GPR39: variants seen among roughly 807,000 people sequenced by gnomAD.
GPR39 encodes the protein zinc sensing receptor.
A neutral mutation model predicts 18.4 loss-of-function variants in GPR39; 23 were observed. That is an observed-to-expected ratio of 1.25 (90% CI 0.90 to 1.77). GPR39 has a LOEUF of 1.77. GPR39 is among the 40% of genes most tolerant of loss of function. The pLI is 0.00. For synonymous variants in GPR39, 280 were observed against 257.9 expected (o/e 1.09, Z -0.82); for missense variants, 647 against 602.4 (o/e 1.07, Z -0.78).
chr2:132,637,016 A>T (rs758502730), intron 1 of GPR39, among the ~76,000 whole-genome samples: 2 of 152,158 alleles, frequency 1.3e-5, no homozygotes, highest in South Asian at 2.1e-4. Context: ...ACATTTTAGG[A>T]CTTACTATCA....
intron 1 of GPR39, among the ~76,000 whole-genome samples, chr2:132,437,246 G>A (rs929553477): frequency 6.6e-6 from 1 of 152,228 alleles, no homozygotes; most frequent in Non-Finnish European, 1.5e-5. Flanking sequence ...ACCTTTGAAT[G>A]TGAAGTGCAT....
intron 1 of GPR39, among the ~76,000 whole-genome samples, chr2:132,615,709 T>C (rs180799677): frequency 5.7e-4 from 87 of 152,352 alleles, no homozygotes; most frequent in African/African-American, 1.9e-3. Context: ...CTTCTCCCTT[T>C]AGCCGTATTT....
chr2:132,644,375 G>C (rs549817107), intron 1 of GPR39, among the ~76,000 whole-genome samples: 55 of 152,320 alleles, frequency 3.6e-4, no homozygotes, highest in African/African-American at 1.3e-3. Context: ...GTTACTGGCT[G>C]AACTAGAAGG....
chr2:132,587,911 G>A lies in GPR39; in HGVS notation c.857-57190G>A, dbSNP rs915803270. Among the ~76,000 whole-genome samples the A allele has an allele frequency of 2.6e-5, 4 of 152,294 alleles. No homozygotes were observed. The East Asian group carries it at 5.8e-4, about 22-fold the overall frequency. ...ACTTTCTGGTGATGGAACAGAGAGGGCAGTCTATTATGAACATGAGGAGTT... is the reference window on the plus strand; with the variant it reads ...ACTTTCTGGTGATGGAACAGAGAGGACAGTCTATTATGAACATGAGGAGTT... On this transcript the variant is annotated intron_variant, in intron 1 of 1. Transcript: ENST00000329321.
intron 1 of GPR39, among the ~76,000 whole-genome samples, chr2:132,630,372 G>T (rs1681626674): frequency 6.6e-6 from 1 of 152,158 alleles, no homozygotes; most frequent in Non-Finnish European, 1.5e-5. Context: ...GACTAACTGG[G>T]TCAGAGCCCT....
chr2:132,522,271 C>G (rs1265283561), intron 1 of GPR39, among the ~76,000 whole-genome samples: 2 of 152,192 alleles, frequency 1.3e-5, no homozygotes, highest in African/African-American at 4.8e-5. Flanking sequence ...AATTTTTCCT[C>G]TAAAATGATC....
At chr2:132,422,635 A>T (rs538724213) in intron 1 of GPR39, among the ~76,000 whole-genome samples, 1 of 152,068 alleles carries the variant, frequency 6.6e-6, no homozygotes, top group African/African-American at 2.4e-5. Flanking sequence ...TTTTTAGTGT[A>T]AGATATTATT....
chr2:132,561,577 T>TACACACACACACAC (rs55653432), intron 1 of GPR39, among the ~76,000 whole-genome samples: 10 of 147,988 alleles, frequency 6.8e-5, no homozygotes, highest in African/African-American at 2.5e-4. Context: ...AATATGAGTG[T>TACACACACACACAC]ACACACACAC....
intron 1 of GPR39, among the ~76,000 whole-genome samples, chr2:132,458,742 G>T (rs1356587779): frequency 6.6e-6 from 1 of 152,122 alleles, no homozygotes; most frequent in Middle Eastern, 3.4e-3. Context: ...GGGAAGAGAA[G>T]AGAACCACAT....
intron 1 of GPR39, among the ~76,000 whole-genome samples, chr2:132,448,615 T>C (rs907167353): frequency 1.3e-5 from 2 of 152,254 alleles, no homozygotes; most frequent in African/African-American, 4.8e-5. Flanking sequence ...TTCCCTTGTT[T>C]CTGTGTCACA....
At chr2:132,423,548 C>T (rs1558794493) in intron 1 of GPR39, among the ~76,000 whole-genome samples, 2 of 152,144 alleles carry the variant, frequency 1.3e-5, no homozygotes. Flanking sequence ...TCTCTTCCCC[C>T]ATGCTGCCTG....
intron 1 of GPR39, among the ~76,000 whole-genome samples, chr2:132,588,546 C>G (rs577080027): frequency 4.6e-5 from 7 of 152,176 alleles, no homozygotes; most frequent in Non-Finnish European, 7.3e-5. Context: ...CTGCTTCACT[C>G]TGTGTGTGGG....
intron 1 of GPR39, 142 bp from the exon 2 acceptor site, chr2:132,644,959 C>T: frequency 1.1e-6 from 1 of 924,224 alleles, no homozygotes. Context: ...CTGTCAAGTC[C>T]AACACTGAAA....
chr2:132,507,648 A>G (rs1679159096), intron 1 of GPR39, among the ~76,000 whole-genome samples: 1 of 152,190 alleles, frequency 6.6e-6, no homozygotes, highest in South Asian at 2.1e-4. Flanking sequence ...AACTGACCTC[A>G]TCCCAGATAT....
intron 1 of GPR39, among the ~76,000 whole-genome samples, chr2:132,576,772 G>A (rs1227893505): frequency 6.6e-6 from 1 of 152,102 alleles, no homozygotes; most frequent in African/African-American, 2.4e-5. Context: ...TCCATTTTGA[G>A]TTAATTTCAC....
chr2:132,585,143 GTC>G (rs1449168022), intron 1 of GPR39, among the ~76,000 whole-genome samples: 1 of 152,146 alleles, frequency 6.6e-6, no homozygotes, highest in African/African-American at 2.4e-5. Flanking sequence ...TCACAGAGGT[GTC>G]TCATGGATTA....
intron 1 of GPR39, among the ~76,000 whole-genome samples, chr2:132,584,143 C>A (rs1680679507): frequency 1.3e-5 from 2 of 151,954 alleles, no homozygotes; most frequent in Non-Finnish European, 2.9e-5. Flanking sequence ...TGGGACAGTA[C>A]CCATGCGGCA....
At chr2:132,508,440 G>T (rs1489961765) in intron 1 of GPR39, among the ~76,000 whole-genome samples, 1 of 152,094 alleles carries the variant, frequency 6.6e-6, no homozygotes, top group African/African-American at 2.4e-5. Flanking sequence ...GCTCTAGCTG[G>T]GTGGGTTAGT....
intron 1 of GPR39, among the ~76,000 whole-genome samples, chr2:132,472,040 C>T (rs534917517): frequency 2.6e-5 from 4 of 152,134 alleles, no homozygotes; most frequent in South Asian, 2.1e-4. Context: ...GAGGACTCAA[C>T]ATCAGTCTGT....
Sources: gnomAD v4.1 joint callset for allele counts (sites outside exome capture counted in the v4.1 genomes callset) on GRCh38, gnomAD v4.1.1 for gene constraint, MANE v1.5 for transcripts, NCBI Gene and HGNC (gene_info 2026-07-23, HGNC 2026-07-21) for gene names.